The following NRXN1 variants were observed in gnomAD, a reference collection of about 807,000 sequenced individuals.
The protein encoded by NRXN1 is neurexin-1.
A neutral mutation model predicts 150.9 loss-of-function variants in NRXN1; 39 were observed. That is an observed-to-expected ratio of 0.26 (90% CI 0.20 to 0.34). NRXN1 has a LOEUF of 0.34. NRXN1 is among the 10% of genes least tolerant of loss of function. The pLI, the probability that NRXN1 is intolerant of heterozygous loss-of-function variation, is 1.00. For synonymous variants in NRXN1, 924 were observed against 757.0 expected (o/e 1.22, Z -3.62); for missense variants, 1,815 against 1,949.9 (o/e 0.93, Z 1.30).
chr2:50,384,231 G>C (rs1404086142), intron 17 of NRXN1, among the ~76,000 whole-genome samples: 1 of 152,142 alleles, frequency 6.6e-6, no homozygotes, highest in African/African-American at 2.4e-5. Context: ...TCTCAGCCGG[G>C]TGCGGTGGCT....
chr2:50,663,743 C>A (rs1372423189), intron 5 of NRXN1, among the ~76,000 whole-genome samples: 2 of 152,018 alleles, frequency 1.3e-5, no homozygotes, highest in Admixed American at 6.6e-5. Flanking sequence ...ACATATGAAT[C>A]ATCCAGAATT....
intron 18 of NRXN1, among the ~76,000 whole-genome samples, chr2:50,219,936 TTA>T (rs1553775989): frequency 1.1e-5 from 1 of 93,804 alleles, no homozygotes; most frequent in East Asian, 2.7e-4. Context: ...ATTATATATA[TTA>T]TATATTATAT....
intron 15 of NRXN1, among the ~76,000 whole-genome samples, chr2:50,477,668 ATT>A (rs1437357749): frequency 6.6e-6 from 1 of 152,138 alleles, no homozygotes; most frequent in East Asian, 1.9e-4. Context: ...TCTCACTTTC[ATT>A]TTAATTTTTT....
chr2:50,108,292 C>A (rs2152721424), intron 18 of NRXN1, among the ~76,000 whole-genome samples: 1 of 152,140 alleles, frequency 6.6e-6, no homozygotes, highest in African/African-American at 2.4e-5. Flanking sequence ...TCATAACTCA[C>A]TATAATAAAG....
chr2:50,236,850 T>C lies in NRXN1; in HGVS notation c.3485A>G (p.Glu1162Gly). 6.2e-7 allele frequency: 1 copy of C among 1,613,340 alleles called. No individual in the cohort carries two copies. The highest frequency in any genetic ancestry group is 2.2e-5 in the East Asian group (1 of 44,746). ...ACTGTCCACTCGCACCAATACGGCT[T>C]CTTTCTGAACAGTGCTAAAACCTAT... is the stretch of plus-strand genomic sequence containing the variant. The part of the protein sequence containing the change: ...LAIGFSTVQK[E>G]AVLVRVDSSS... The change falls in exon 18 of 23, where the codon GAA becomes GGA. Residue 1162 changes from glutamate to glycine, a missense_variant. Transcript: ENST00000401669.
intron 5 of NRXN1, among the ~76,000 whole-genome samples, chr2:50,869,438 T>G (rs544880856): frequency 1.3e-3 from 190 of 150,884 alleles, no homozygotes; most frequent in Non-Finnish European, 2.3e-3. Flanking sequence ...TATCCTGACT[T>G]AAAAGTAAGT....
At chr2:50,003,193 T>C (rs1368015293) in intron 21 of NRXN1, among the ~76,000 whole-genome samples, 1 of 152,118 alleles carries the variant, frequency 6.6e-6, no homozygotes, top group Non-Finnish European at 1.5e-5. Flanking sequence ...ATACCACTTC[T>C]GTCATTAGTC....
intron 17 of NRXN1, among the ~76,000 whole-genome samples, chr2:50,463,209 G>C (rs767438475): frequency 2.0e-5 from 3 of 151,740 alleles, no homozygotes; most frequent in Non-Finnish European, 4.4e-5. Flanking sequence ...GATTTATTTT[G>C]ATCAATTTAA....
chr2:50,934,621 G>A (rs186856483), intron 2 of NRXN1, among the ~76,000 whole-genome samples: 4 of 152,158 alleles, frequency 2.6e-5, no homozygotes, highest in African/African-American at 7.2e-5. Flanking sequence ...TCTATTGAGC[G>A]GTATTAACTA....
chr2:49,964,020 C>A (rs992113221), intron 21 of NRXN1, among the ~76,000 whole-genome samples: 1 of 152,202 alleles, frequency 6.6e-6, no homozygotes, highest in East Asian at 1.9e-4. Context: ...ACCCTGCTCT[C>A]TCCCTAGTCC....
At chr2:50,151,893 G>A (rs1213043891) in intron 18 of NRXN1, among the ~76,000 whole-genome samples, 1 of 151,666 alleles carries the variant, frequency 6.6e-6, no homozygotes, top group Admixed American at 6.6e-5. Flanking sequence ...GAAATAAAGA[G>A]TATGAGCAAT....
intron 9 of NRXN1, among the ~76,000 whole-genome samples, chr2:50,546,648 AT>A (rs1265035086): frequency 3.9e-5 from 6 of 152,230 alleles, no homozygotes; most frequent in African/African-American, 1.2e-4. Flanking sequence ...ACAATAAATG[AT>A]TTTTTTCTAT....
Position 50,111,594 on chromosome 2 carries a change from G to A in NRXN1, c.3547-20100C>T, listed in dbSNP as rs527434807. Among the ~76,000 whole-genome samples, 10 of 151,658 alleles carry A rather than the reference G, an allele frequency of 6.6e-5. No homozygotes were observed. In the East Asian group the frequency reaches 1.2e-3, roughly 18 times the overall value. On this transcript the variant is annotated intron_variant, in intron 18 of 22. Transcript: ENST00000401669. Reference sequence around the variant, plus strand: ...GCAGAGGTTGCAGTGAGCCAAGATCGCCCCACTGAATTCCAGCCTGGGTGA... The same window carrying A: ...GCAGAGGTTGCAGTGAGCCAAGATCACCCCACTGAATTCCAGCCTGGGTGA...
At chr2:50,126,626 A>C (rs961087677) in intron 18 of NRXN1, among the ~76,000 whole-genome samples, 6 of 152,122 alleles carry the variant, frequency 3.9e-5, no homozygotes, top group African/African-American at 1.4e-4. Context: ...AAAATACTTG[A>C]AGCAAATAAA....
At chr2:49,993,924 G>A (rs1423249668) in intron 21 of NRXN1, among the ~76,000 whole-genome samples, 2 of 152,146 alleles carry the variant, frequency 1.3e-5, no homozygotes, top group African/African-American at 4.8e-5. Flanking sequence ...CTGTGGTGAT[G>A]TTTTCTGCCT....
In NRXN1 at chr2:50,806,261, T is replaced by C. The variant is rs559920907; in HGVS notation, c.832+115608A>G. On this transcript the variant is annotated intron_variant, in intron 5 of 22. Transcript: ENST00000401669. The stretch of plus-strand genomic sequence containing the variant: ...AGGAAAACATTCACTGTGTATCAGC[T>C]TGAGTTGGAGAAATTACAGTTAAGA... Among the ~76,000 whole-genome samples the C allele has an allele frequency of 5.3e-5, 8 of 152,276 alleles. No homozygotes were observed. In the South Asian group the frequency reaches 6.2e-4, roughly 12 times the overall value.
intron 17 of NRXN1, among the ~76,000 whole-genome samples, chr2:50,248,977 T>A (rs1457943157): frequency 6.7e-6 from 1 of 149,622 alleles, no homozygotes; most frequent in East Asian, 1.9e-4. Flanking sequence ...CAAGATCCTG[T>A]CTTTACAAAC....
At chr2:50,697,378 G>A (rs552596891) in intron 5 of NRXN1, among the ~76,000 whole-genome samples, 1 of 152,302 alleles carries the variant, frequency 6.6e-6, no homozygotes, top group East Asian at 1.9e-4. Flanking sequence ...TGTGACAAAA[G>A]TTGGAAAGAG....
intron 21 of NRXN1, among the ~76,000 whole-genome samples, chr2:49,969,349 A>C (rs1228046492): frequency 2.0e-5 from 3 of 152,086 alleles, no homozygotes; most frequent in Non-Finnish European, 4.4e-5. Context: ...AGCACATCTA[A>C]TCATGCAAAA....
Sources: allele counts gnomAD v4.1 joint callset (sites outside exome capture counted in the v4.1 genomes callset), GRCh38; gene constraint gnomAD v4.1.1; transcripts MANE v1.5; gene names NCBI Gene and HGNC (gene_info 2026-07-23, HGNC 2026-07-21).